Variants in HS6ST3 observed in about 807,000 individuals in gnomAD.
HS6ST3 encodes heparan-sulfate 6-O-sulfotransferase 3.
HS6ST3 carries 12 observed loss-of-function variants against 36.7 expected under a neutral mutation model. That is an observed-to-expected ratio of 0.33 (90% CI 0.21 to 0.53). The LOEUF (loss-of-function observed/expected upper bound fraction) is 0.53, where lower values mean the gene tolerates loss of function less well. HS6ST3 is among the 20% of genes least tolerant of loss of function. The pLI is 0.95. For synonymous variants in HS6ST3, 240 were observed against 257.5 expected (o/e 0.93, Z 0.65); for missense variants, 584 against 640.9 (o/e 0.91, Z 0.96).
At chr13:96,644,025 C>T (rs2139008390) in intron 1 of HS6ST3, among the ~76,000 whole-genome samples, 1 of 151,916 alleles carries the variant, frequency 6.6e-6, no homozygotes, top group Non-Finnish European at 1.5e-5. Flanking sequence ...ATTTTCATTG[C>T]TTTTATGAAA....
intron 1 of HS6ST3, among the ~76,000 whole-genome samples, chr13:96,769,186 G>A (rs1359774077): frequency 2.1e-4 from 32 of 152,008 alleles, no homozygotes; most frequent in Admixed American, 2.1e-3. Flanking sequence ...ATTTCAACAG[G>A]GCAGTAACAC....
chr13:96,160,284 G>A (rs992388981), intron 1 of HS6ST3, among the ~76,000 whole-genome samples: 5 of 152,120 alleles, frequency 3.3e-5, no homozygotes, highest in African/African-American at 1.2e-4. Context: ...GACTTAATAT[G>A]GTTTCCCTGG....
chr13:96,741,032 A>G (rs953850858), intron 1 of HS6ST3, among the ~76,000 whole-genome samples: 6 of 152,216 alleles, frequency 3.9e-5, no homozygotes, highest in African/African-American at 1.4e-4. Context: ...TTCAACTGAA[A>G]TATAAACCCA....
At chr13:96,341,471 A>G in intron 1 of HS6ST3, among the ~76,000 whole-genome samples, 1 of 152,266 alleles carries the variant, frequency 6.6e-6, no homozygotes, top group East Asian at 1.9e-4. Flanking sequence ...TGTAAATTAT[A>G]TTACATACAA....
chr13:96,499,470 G>C (rs938183096), intron 1 of HS6ST3, among the ~76,000 whole-genome samples: 1 of 152,206 alleles, frequency 6.6e-6, no homozygotes, highest in African/African-American at 2.4e-5. Context: ...GGGAGACCTT[G>C]CTTGTTTACT....
intron 1 of HS6ST3, among the ~76,000 whole-genome samples, chr13:96,682,881 G>C (rs1426939542): frequency 6.6e-6 from 1 of 151,972 alleles, no homozygotes; most frequent in African/African-American, 2.4e-5. Context: ...GAAAATCGTT[G>C]ACACATTTTC....
At chr13:96,120,545 A>C (rs2053920277) in intron 1 of HS6ST3, among the ~76,000 whole-genome samples, 1 of 152,230 alleles carries the variant, frequency 6.6e-6, no homozygotes, top group Non-Finnish European at 1.5e-5. Flanking sequence ...TCATAGAGTT[A>C]AAACAAGTTT....
rs144753387 is a variant in HS6ST3 at position 96,584,301 on chromosome 13, C to T, written c.708-248189C>T. Among the ~76,000 whole-genome samples, 889 of 151,982 alleles carry T rather than the reference C, an allele frequency of 5.8e-3. 2 individuals are homozygous for T. Among genetic ancestry groups the T allele is most frequent in the Middle Eastern group, 0.01 (3 of 294 alleles). The stretch of plus-strand genomic sequence containing the variant: ...TGGGATTACAGTCATGTGCCACCAC[C>T]CCCAGCTAATTTTTGTATTTTTAGT... On this transcript the variant is annotated intron_variant, in intron 1 of 1. Transcript: ENST00000376705.
At chr13:96,520,985 G>T (rs556000764) in intron 1 of HS6ST3, among the ~76,000 whole-genome samples, 1 of 152,258 alleles carries the variant, frequency 6.6e-6, no homozygotes, top group South Asian at 2.1e-4. Context: ...CTGTGGGTTT[G>T]TCATATATAA....
Position 96,828,297 on chromosome 13 carries a change from A to C in HS6ST3, c.708-4193A>C, listed in dbSNP as rs191151395. On this transcript the variant is annotated intron_variant, in intron 1 of 1. Coordinates refer to ENST00000376705, the MANE Select transcript of HS6ST3 (RefSeq NM_153456.4). Reference sequence around the variant, plus strand: ...GTGGTAAGGCTAGACAGTCAAGATAACAGAATATAGAAAATGTATAGTTTT... The same window carrying C: ...GTGGTAAGGCTAGACAGTCAAGATACCAGAATATAGAAAATGTATAGTTTT... Among the ~76,000 whole-genome samples the C allele has an allele frequency of 9.6e-4, 147 of 152,354 alleles. 1 individual carries two copies. Among genetic ancestry groups the C allele is most frequent in the Admixed American group, 2.3e-3 (35 of 15,300 alleles).
intron 1 of HS6ST3, among the ~76,000 whole-genome samples, chr13:96,299,215 A>T (rs960798625): frequency 1.3e-5 from 2 of 152,218 alleles, no homozygotes; most frequent in African/African-American, 2.4e-5. Context: ...TAAAGCAACA[A>T]TGAAAATATG....
chr13:96,306,441 C>T (rs1341277613), intron 1 of HS6ST3, among the ~76,000 whole-genome samples: 1 of 152,114 alleles, frequency 6.6e-6, no homozygotes, highest in Non-Finnish European at 1.5e-5. Flanking sequence ...TAACTCCTGT[C>T]GTCAAGTGGT....
rs976397079 is a variant in HS6ST3 at position 96,534,802 on chromosome 13, T to C, written c.708-297688T>C. On this transcript the variant is annotated intron_variant, in intron 1 of 1. Coordinates refer to ENST00000376705, the MANE Select transcript of HS6ST3 (RefSeq NM_153456.4). The stretch of plus-strand genomic sequence containing the variant: ...GGTGAAACCCTGTCTCTACTAAAGA[T>C]ACAAAAATTAGCCAGGCATGGTGGT... Among the ~76,000 whole-genome samples, 6 of 152,064 alleles carry C rather than the reference T, an allele frequency of 3.9e-5. No individual in the cohort carries two copies. In the East Asian group the frequency reaches 7.8e-4, roughly 20 times the overall value.
chr13:96,675,173 C>G (rs2056695064), intron 1 of HS6ST3, among the ~76,000 whole-genome samples: 1 of 151,812 alleles, frequency 6.6e-6, no homozygotes, highest in Admixed American at 6.6e-5. Context: ...ACAAATACAC[C>G]CACTCTCCCA....
chr13:96,489,160 C>T (rs187842528), intron 1 of HS6ST3, among the ~76,000 whole-genome samples: 1,996 of 152,014 alleles, frequency 0.013, 17 homozygotes, highest in Non-Finnish European at 0.023. Flanking sequence ...GCATTTCTTG[C>T]CTCTATTAGT....
chr13:96,166,575 C>CTTTTTTTTTTTTTTTTTTTTTTTTT (rs765190619), intron 1 of HS6ST3, among the ~76,000 whole-genome samples: 1 of 131,586 alleles, frequency 7.6e-6, no homozygotes, highest in African/African-American at 2.8e-5. Context: ...TTCTTTCTTT[C>CTTTTTTTTTTTTTTTTTTTTTTTTT]TTTTTTTTTT....
intron 1 of HS6ST3, among the ~76,000 whole-genome samples, chr13:96,185,349 C>G (rs2054260203): frequency 6.6e-6 from 1 of 152,184 alleles, no homozygotes; most frequent in African/African-American, 2.4e-5. Context: ...AAGATGCTTT[C>G]TTATTTATGC....
At chr13:96,318,357 C>T (rs1163890166) in intron 1 of HS6ST3, among the ~76,000 whole-genome samples, 1 of 152,008 alleles carries the variant, frequency 6.6e-6, no homozygotes, top group Non-Finnish European at 1.5e-5. Context: ...CATGGCAAAA[C>T]CCTGTCTTTA....
At chr13:96,395,405 A>G (rs913428) in intron 1 of HS6ST3, among the ~76,000 whole-genome samples, 128,104 of 152,164 alleles carry the variant, frequency 0.84, 54,295 homozygotes, top group South Asian at 0.91. Context: ...TGCTGTTATA[A>G]TAAGAATATG....
Sources: gnomAD v4.1 joint callset for allele counts (sites outside exome capture counted in the v4.1 genomes callset) on GRCh38, gnomAD v4.1.1 for gene constraint, MANE v1.5 for transcripts, NCBI Gene and HGNC (gene_info 2026-07-23, HGNC 2026-07-21) for gene names.